GPRIN1: variants seen among roughly 807,000 people sequenced by gnomAD.
The protein encoded by GPRIN1 is G protein regulated inducer of neurite outgrowth 1, also known as G protein-regulated inducer of neurite outgrowth 1.
GPRIN1 carries 4 observed loss-of-function variants against 2.8 expected under a neutral mutation model. The ratio of observed to expected loss-of-function variants is 1.45; its 90% CI spans 0.71 to 3.32. The LOEUF (loss-of-function observed/expected upper bound fraction) is 3.32, where lower values mean the gene tolerates loss of function less well. Among genes scored for constraint, GPRIN1 ranks in the 30% most tolerant of loss-of-function variants. GPRIN1 has a pLI of 0.01. For synonymous variants in GPRIN1, 589 were observed against 589.9 expected, an observed-to-expected ratio of 1.00 and a Z score of 0.02; for missense variants, 1,322 against 1,343.4, an observed-to-expected ratio of 0.98 and a Z score of 0.25.
chr5:176,609,108 G>T (rs1265402289), intron 1 of GPRIN1, among the ~76,000 whole-genome samples: 3 of 152,228 alleles, frequency 2.0e-5, no homozygotes, highest in African/African-American at 7.2e-5. Context: ...TGCAAACGTG[G>T]GCCAGTGTGG....
intron 1 of GPRIN1, among the ~76,000 whole-genome samples, chr5:176,606,964 T>A (rs1360688153): frequency 6.6e-6 from 1 of 152,186 alleles, no homozygotes; most frequent in African/African-American, 2.4e-5. Flanking sequence ...TGAGATGGGA[T>A]AAAGTCCAGG....
At chr5:176,607,389 G>A (rs754302732) in intron 1 of GPRIN1, among the ~76,000 whole-genome samples, 6 of 152,206 alleles carry the variant, frequency 3.9e-5, no homozygotes, top group Non-Finnish European at 8.8e-5. Context: ...TGTTGCCTAG[G>A]CCGGAGTGCA....
rs755865937 is a variant in GPRIN1, at chr5:176,599,330, C to G, written c.505G>C (p.Glu169Gln). 1 of 1,614,230 alleles carries G rather than the reference C, an allele frequency of 6.2e-7. No homozygotes were observed. Among genetic ancestry groups the G allele is most frequent in the Middle Eastern group, 1.6e-4 (1 of 6,062 alleles). Residue 169 changes from glutamate to glutamine, a missense_variant, in exon 2 of 2, where the codon GAG becomes CAG. Around this residue, in one of 3 missense-constraint regions of GPRIN1, gnomAD observed 1,117 missense variants for 1,128.6 expected, o/e 0.99. Coordinates refer to ENST00000303991, the MANE Select transcript of GPRIN1 (RefSeq NM_052899.3). ...GCCTTCCGTGAGGACCCAGGATCCT[C>G]CTTTCCTATGGAAGTGGAATCGGCC... Reference protein sequence around the residue: ...KQADSTSIGKEDPGSSRKADP... With the variant: ...KQADSTSIGKQDPGSSRKADP...
In GPRIN1 at chr5:176,599,224, A is replaced by T. The variant is rs1463347475; in HGVS notation, c.611T>A (p.Met204Lys). The change falls in exon 2 of 2, where the codon ATG becomes AAG. Residue 204 changes from methionine (M) to lysine (K), a missense_variant. Physicochemically the swap from Met to Lys is moderately conservative, Grantham distance 95. Around this residue, in one of 3 missense-constraint regions of GPRIN1, gnomAD observed 1,117 missense variants for 1,128.6 expected, o/e 0.99. Coordinates refer to ENST00000303991, the MANE Select transcript of GPRIN1 (RefSeq NM_052899.3). Reference protein sequence around the residue: ...DPVAPGRMDPMTVRKEDLGSL... With the variant: ...DPVAPGRMDPKTVRKEDLGSL... ...TCCAAGATCTTCCTTTCTTACAGTCATGGGATCCATCCTTCCAGGAGCCAC... is the reference window on the plus strand; with the variant it reads ...TCCAAGATCTTCCTTTCTTACAGTCTTGGGATCCATCCTTCCAGGAGCCAC... The T allele has an allele frequency of 6.2e-7, 1 of 1,613,672 alleles. No homozygotes were observed. The highest frequency in any genetic ancestry group is 8.5e-7 in the Non-Finnish European group (1 of 1,179,950).
rs1561887011 is a variant in GPRIN1, at chr5:176,599,129, C to A, written c.706G>T (p.Gly236Trp). 1.2e-6 allele frequency: 1 copy of A among 860,188 alleles called. No individual in the cohort carries two copies. Among genetic ancestry groups the A allele is most frequent in the Non-Finnish European group, 1.6e-6 (1 of 627,102 alleles). The allele number at this position is 860,188 out of a possible 1,614,324, so 53.3% of individuals were successfully genotyped here. A position where few individuals can be genotyped will look rare whatever the true frequency, so the allele number is the denominator to read the frequency against. Residue 236 changes from glycine (G) to tryptophan (W), a missense_variant, in exon 2 of 2, where the codon GGG becomes TGG. Gly to Trp is a radical substitution (Grantham distance 184). Around this residue, in one of 3 missense-constraint regions of GPRIN1, gnomAD observed 1,117 missense variants for 1,128.6 expected, o/e 0.99. Transcript: ENST00000303991. ...YTVSPRKEDP[G>W]SLRKVDPVSS... is the part of the protein sequence containing the mutation. ...ACAGGATCCACCTTTCTCAAAGACCCAGGATCCTCCTTCCTCGGTGACACT... is the reference window on the plus strand; with the variant it reads ...ACAGGATCCACCTTTCTCAAAGACCAAGGATCCTCCTTCCTCGGTGACACT...
Position 176,598,051 on chromosome 5 carries a change from A to G in GPRIN1, c.1784T>C (p.Leu595Pro). 1.2e-6 allele frequency: 2 copies of G among 1,614,030 alleles called. No individual in the cohort carries two copies. The highest frequency in any genetic ancestry group is 1.7e-6 in the Non-Finnish European group (2 of 1,179,982). The change falls in exon 2 of 2, where the codon CTG becomes CCG. Residue 595 changes from leucine (L) to proline (P), a missense_variant. Transcript: ENST00000303991. ...CTCTGGGATAGCTTCTGCTTTTCCC[A>G]GGGACACGGGATCCACCTTCCCCGA... ...VPSGKVDPVS[L>P]GKAEAIPEGK...
At position 176,597,123 on chromosome 5, in the gene GPRIN1, C is replaced by CG. The variant is rs754719968; in HGVS notation, c.2711dup (p.Glu905GlyfsTer4). ...CGTCTCGCACGGGCTCAGCCGGCTCCGGGGGCGCTACAGCGGCCGCCAGCG... is the reference window on the plus strand; with the variant it reads ...CGTCTCGCACGGGCTCAGCCGGCTCCGGGGGGCGCTACAGCGGCCGCCAGCG... On this transcript the variant is annotated frameshift_variant, in exon 2 of 2. Coordinates refer to ENST00000303991, the MANE Select transcript of GPRIN1 (RefSeq NM_052899.3). LOFTEE classifies it high-confidence loss of function. The surrounding 1 kb of genome is among the most constrained non-coding windows in gnomAD (Gnocchi z 6.1). The CG allele has an allele frequency of 6.8e-7, 1 of 1,471,444 alleles. No homozygotes were observed. Among genetic ancestry groups the CG allele is most frequent in the South Asian group, 1.3e-5 (1 of 74,730 alleles). The allele number at this position is 1,471,444 out of a possible 1,614,324, so 91.1% of individuals were successfully genotyped here.
rs1164038730 is a variant in GPRIN1 at position 176,599,867 on chromosome 5, G to C, written c.-33C>G. On this transcript the variant is annotated 5_prime_UTR_variant, in exon 2 of 2. Transcript: ENST00000303991. ...CATGACCACGCCTGCACCCAAGGCTGCTGTCTGGTTCTGAAACAGAGAGAG... is the reference window on the plus strand; with the variant it reads ...CATGACCACGCCTGCACCCAAGGCTCCTGTCTGGTTCTGAAACAGAGAGAG... 9.3e-6 allele frequency: 13 copies of C among 1,394,350 alleles called. No homozygotes were observed. The East Asian group carries it at 3.2e-4, about 35-fold the overall frequency. The allele number at this position is 1,394,350 out of a possible 1,614,324, so 86.4% of individuals were successfully genotyped here.
In GPRIN1 at chr5:176,602,638, C is replaced by A. The variant is rs570407338; in HGVS notation, c.-43-2761G>T. Among the ~76,000 whole-genome samples the A allele has an allele frequency of 6.6e-6, 1 of 152,116 alleles. No homozygotes were observed. The highest frequency in any genetic ancestry group is 1.5e-5 in the Non-Finnish European group (1 of 68,032). On this transcript the variant is annotated intron_variant, in intron 1 of 1. Coordinates refer to ENST00000303991, the MANE Select transcript of GPRIN1 (RefSeq NM_052899.3). This position sits in a 1 kb window ranked among gnomAD's most constrained non-coding sequence, Gnocchi z 4.4. ...TCAATTTCTATCAAAGTTTACAACG[C>A]GCATAGCATTTGAGCCACCAAGCCC...
intron 1 of GPRIN1, among the ~76,000 whole-genome samples, chr5:176,609,627 C>T (rs1046245974): frequency 5.9e-5 from 9 of 152,118 alleles, no homozygotes; most frequent in Non-Finnish European, 1.3e-4. Flanking sequence ...GCCCTCCCCC[C>T]AGTGGCGGGA....
chr5:176,609,815 G>A (rs1210981033), intron 1 of GPRIN1, among the ~76,000 whole-genome samples, 184 bp downstream of exon 1: 2 of 138,478 alleles, frequency 1.4e-5, no homozygotes, highest in African/African-American at 5.4e-5. Flanking sequence ...CGAGGAGCCT[G>A]GAAACAGACA....
At chr5:176,601,949 C>G (rs1240156253) in intron 1 of GPRIN1, among the ~76,000 whole-genome samples, 1 of 152,188 alleles carries the variant, frequency 6.6e-6, no homozygotes, top group Non-Finnish European at 1.5e-5. Context: ...CGAGACAAAT[C>G]ATGTACCCCT....
chr5:176,609,558 G>C (rs972621228), intron 1 of GPRIN1, among the ~76,000 whole-genome samples: 1 of 152,306 alleles, frequency 6.6e-6, no homozygotes, highest in African/African-American at 2.4e-5. Context: ...TCAGTAGTGC[G>C]AGTGGAGCCA....
In GPRIN1 at chr5:176,597,983, T is replaced by G. The variant is rs774054789; in HGVS notation, c.1852A>C (p.Thr618Pro). The G allele has an allele frequency of 6.2e-7, 1 of 1,613,966 alleles. No homozygotes were observed. Among genetic ancestry groups the G allele is most frequent in the Non-Finnish European group, 8.5e-7 (1 of 1,179,984 alleles). ...GCCCTGGGATCCGCCTTTGTGGTGG[T>G]AACAGGACTCCCCTTCTCTAGAGGC... ...SLPLEKGSPVTTTKADPRASG... is the reference protein window; with the variant it reads ...SLPLEKGSPVPTTKADPRASG... The change falls in exon 2 of 2, where the codon ACC becomes CCC. Residue 618 changes from threonine (T) to proline (P), a missense_variant. Coordinates refer to ENST00000303991, the MANE Select transcript of GPRIN1 (RefSeq NM_052899.3). The surrounding 1 kb of genome is among the most constrained non-coding windows in gnomAD (Gnocchi z 6.1).
Position 176,599,030 on chromosome 5 carries a change from A to G in GPRIN1, c.805T>C (p.Ser269Pro), listed in dbSNP as rs1759102405. The G allele has an allele frequency of 6.2e-7, 1 of 1,614,084 alleles. No homozygotes were observed. Among genetic ancestry groups the G allele is most frequent in the Non-Finnish European group, 8.5e-7 (1 of 1,180,036 alleles). ...PRYSGKEHPV[S>P]SEKVAPTSAE... The stretch of plus-strand genomic sequence containing the variant: ...GATGTAGGAGCGACCTTTTCTGAGG[A>G]CACAGGATGCTCTTTTCCTGAATAC... Residue 269 changes from serine (S) to proline (P), a missense_variant, in exon 2 of 2, where the codon TCC becomes CCC. By Grantham distance (74) the Ser-to-Pro change is moderately conservative (BLOSUM62 -1). This residue lies in a region of GPRIN1 where 1,117 missense variants were observed against 1,128.6 expected (regional missense o/e 0.99). Coordinates refer to ENST00000303991, the MANE Select transcript of GPRIN1 (RefSeq NM_052899.3).
intron 1 of GPRIN1, among the ~76,000 whole-genome samples, chr5:176,600,115 C>T (rs561257959): frequency 6.6e-6 from 1 of 152,312 alleles, no homozygotes; most frequent in South Asian, 2.1e-4. Flanking sequence ...CACAGCCTAA[C>T]TTTCTTTTTC....
At chr5:176,609,031 C>T (rs543843510) in intron 1 of GPRIN1, among the ~76,000 whole-genome samples, 1 of 152,206 alleles carries the variant, frequency 6.6e-6, no homozygotes, top group South Asian at 2.1e-4. Flanking sequence ...AGACCTGCTT[C>T]CAGAAACGGC....
At chr5:176,603,956 GC>G (rs1759185560) in intron 1 of GPRIN1, among the ~76,000 whole-genome samples, 2 of 152,276 alleles carry the variant, frequency 1.3e-5, no homozygotes, top group African/African-American at 4.8e-5. Flanking sequence ...GAGGGCACTG[GC>G]CCCTTCTAAA....
At chr5:176,606,108 C>T (rs941665810) in intron 1 of GPRIN1, among the ~76,000 whole-genome samples, 5 of 152,180 alleles carry the variant, frequency 3.3e-5, no homozygotes, top group African/African-American at 7.2e-5. Context: ...GCCAGCCCAC[C>T]GCTTATCAGC....
Sources: allele counts gnomAD v4.1 joint callset (sites outside exome capture counted in the v4.1 genomes callset), GRCh38; gene constraint gnomAD v4.1.1; regional missense constraint gnomAD v4.1.1; non-coding constraint Gnocchi (gnomAD v3.1); transcripts MANE v1.5; gene names NCBI Gene and HGNC (gene_info 2026-07-23, HGNC 2026-07-21).